Variants in ZC3H7A observed in about 807,000 individuals in gnomAD.
The protein encoded by ZC3H7A is zinc finger CCCH domain-containing protein 7A.
Under a neutral mutation model 125.5 loss-of-function variants are expected in ZC3H7A, and 44 were observed. The observed-to-expected ratio is 0.35, with a 90% confidence interval of 0.28 to 0.45. The LOEUF is 0.45. Among genes scored for constraint, ZC3H7A ranks in the 20% least tolerant of loss-of-function variants. The pLI is 1.00. For missense variants in ZC3H7A, 977 were observed against 1,170.7 expected (o/e 0.83, Z 2.41); for synonymous variants, 399 against 391.2 (o/e 1.02, Z -0.23).
chr16:11,760,142 A>AG (rs1567374796), intron 19 of ZC3H7A, among the ~76,000 whole-genome samples: 1 of 151,000 alleles, frequency 6.6e-6, no homozygotes, highest in African/African-American at 2.4e-5. Flanking sequence ...AAAAAAAAAA[A>AG]AAAGAAAAAA....
chr16:11,758,612 A>C, intron 19 of ZC3H7A, 73 bp from the exon 20 acceptor site: 1 of 1,030,784 alleles, frequency 9.7e-7, no homozygotes, highest in South Asian at 1.3e-5. Context: ...ACATTTAAGC[A>C]AAAGAAGCAT....
Position 11,765,469 on chromosome 16 carries a change from A to G in ZC3H7A, c.1719+20T>C, listed in dbSNP as rs540857270. On this transcript the variant is annotated intron_variant, in intron 14 of 22. Transcript: ENST00000355758. The surrounding 1 kb of genome is among the most constrained non-coding windows in gnomAD (Gnocchi z 4.8). ...TGCAAATTCAACTTTACAGTGGAAA[A>G]TAAGTTTTGGAGAACACACCTCACA... is the stretch of plus-strand genomic sequence containing the variant. 23 of 1,594,492 alleles carry G rather than the reference A, an allele frequency of 1.4e-5. No individual in the cohort carries two copies. Among genetic ancestry groups the G allele is most frequent in the East Asian group, 9.0e-5 (4 of 44,300 alleles).
chr16:11,790,563 G>T (rs1449651932), intron 1 of ZC3H7A, among the ~76,000 whole-genome samples: 1 of 152,126 alleles, frequency 6.6e-6, no homozygotes, highest in Non-Finnish European at 1.5e-5. Flanking sequence ...GTTTGAGACG[G>T]AGTTTCACTC....
In ZC3H7A at chr16:11,763,570, T is replaced by C; in HGVS notation, c.1910A>G (p.His637Arg). ...CCTTAAACAGCCATACCGAACTTCA[T>C]GTCGACATAAATCAAGCTGACACTG... The part of the protein sequence containing the change: ...HGQCQLDLCR[H>R]EVRYGCLRED... The change falls in exon 16 of 23, where the codon CAT becomes CGT. Residue 637 changes from histidine to arginine, a missense_variant. By Grantham distance (29) the His-to-Arg change is conservative. Coordinates refer to ENST00000355758, the MANE Select transcript of ZC3H7A (RefSeq NM_014153.4). The C allele has an allele frequency of 1.2e-6, 2 of 1,612,306 alleles. No individual in the cohort carries two copies. The highest frequency in any genetic ancestry group is 1.7e-6 in the Non-Finnish European group (2 of 1,179,140).
intron 4 of ZC3H7A, among the ~76,000 whole-genome samples, chr16:11,778,418 C>T (rs1482989603): frequency 8.3e-6 from 1 of 120,112 alleles, no homozygotes; most frequent in South Asian, 2.9e-4. Flanking sequence ...GCCTGGGTGA[C>T]AGAGCGAGAC....
chr16:11,769,151 C>T (rs1480775786), intron 10 of ZC3H7A, 56 bp from the exon 11 acceptor site: 5 of 1,478,732 alleles, frequency 3.4e-6, no homozygotes, highest in African/African-American at 1.4e-5. Context: ...GTAATAAGAA[C>T]ATCAGGGCTT....
At chr16:11,791,746 T>C (rs982528002) in intron 1 of ZC3H7A, among the ~76,000 whole-genome samples, 17 of 152,274 alleles carry the variant, frequency 1.1e-4, no homozygotes, top group African/African-American at 3.8e-4. Context: ...CCCCAACCCT[T>C]TGGGGAAACA....
intron 1 of ZC3H7A, among the ~76,000 whole-genome samples, chr16:11,785,301 T>C (rs765112251): frequency 1.3e-5 from 2 of 151,768 alleles, no homozygotes; most frequent in African/African-American, 2.4e-5. Context: ...ATCATGCCAG[T>C]GCACTCCAGC....
intron 18 of ZC3H7A, 28 bp from the exon 19 acceptor site, chr16:11,761,539 C>T: frequency 6.2e-7 from 1 of 1,610,254 alleles, no homozygotes; most frequent in East Asian, 2.2e-5. Flanking sequence ...CAGAAAAAAA[C>T]AAAGACACAC....
chr16:11,785,769 G>A (rs1414271733), intron 1 of ZC3H7A, among the ~76,000 whole-genome samples: 3 of 152,066 alleles, frequency 2.0e-5, no homozygotes, highest in East Asian at 1.9e-4. Context: ...ACAGGCGCCC[G>A]CCACCACGCC....
In ZC3H7A at chr16:11,761,953, G is replaced by C. The variant is rs748745570; in HGVS notation, c.2170C>G (p.Pro724Ala). 14 of 1,613,380 alleles carry C rather than the reference G, an allele frequency of 8.7e-6. No individual in the cohort carries two copies. The South Asian group carries it at 1.5e-4, about 18-fold the overall frequency. ...QCLRNGQVIE[P>A]DKNRKYCSAK... is the part of the protein sequence containing the mutation. ...CTACAATATTTTCTGTTTTTGTCTG[G>C]TTCAATGACTTGACCGTTTCTCAGA... Residue 724 changes from proline (P) to alanine (A), a missense_variant, in exon 18 of 23, where the codon CCA (proline) becomes GCA (alanine). This residue lies in a region of ZC3H7A where 436 missense variants were observed against 603.2 expected (regional missense o/e 0.72). Transcript: ENST00000355758.
At position 11,751,494 on chromosome 16, in the gene ZC3H7A, G is replaced by A. The variant is rs1392071057; in HGVS notation, c.2739C>T (p.Gly913=). ...YFSICDRYMN[G]TCPEGNSCKF... ...TACAGCTGTTTCCTTCTGGGCAGGT[G>A]CCATTCATATACCTGTAAGGAGAAG... is the stretch of plus-strand genomic sequence containing the variant. Residue 913 remains glycine, a synonymous_variant, in exon 23 of 23, where the codon GGC becomes GGT. Coordinates refer to ENST00000355758, the MANE Select transcript of ZC3H7A (RefSeq NM_014153.4). 6.2e-6 allele frequency: 10 copies of A among 1,613,728 alleles called. No homozygotes were observed. The highest frequency in any genetic ancestry group is 7.6e-6 in the Non-Finnish European group (9 of 1,179,950).
At chr16:11,754,848 C>T (rs941919292) in intron 21 of ZC3H7A, among the ~76,000 whole-genome samples, 4 of 132,168 alleles carry the variant, frequency 3.0e-5, no homozygotes, top group African/African-American at 1.2e-4. Context: ...GCCAAGATCA[C>T]ATCATTGCAC....
chr16:11,751,385 C>G lies in ZC3H7A; in HGVS notation c.2848G>C (p.Asp950His). 6.2e-7 allele frequency: 1 copy of G among 1,614,092 alleles called. No homozygotes were observed. The highest frequency in any genetic ancestry group is 8.5e-7 in the Non-Finnish European group (1 of 1,180,014). ...LKMKLNKARK[D>H]HLIGPNDNDF... ...TTATCATTTGGGCCAATTAAGTGAT[C>G]TTTTCGTGCTTTGTTGAGCTTCATC... The change falls in exon 23 of 23, where the codon GAT becomes CAT. Residue 950 changes from aspartate to histidine, a missense_variant. Physicochemically the swap from Asp to His is moderately conservative, Grantham distance 81. Around this residue, in one of 3 missense-constraint regions of ZC3H7A, gnomAD observed 436 missense variants for 603.2 expected, o/e 0.72. Transcript: ENST00000355758.
chr16:11,774,891 C>T (rs1040766040), intron 8 of ZC3H7A, 89 bp downstream of exon 8: 34 of 1,384,068 alleles, frequency 2.5e-5, no homozygotes, highest in African/African-American at 1.6e-4. Context: ...AACCACACAG[C>T]GATATTATTT....
At chr16:11,796,538 G>A (rs2053439872) in intron 1 of ZC3H7A, 1 of 152,678 alleles carries the variant, frequency 6.5e-6, no homozygotes, top group Non-Finnish European at 1.5e-5. Context: ...GCCCAGGCCT[G>A]ACCGGAAGCC....
At chr16:11,762,094 T>G (rs1190289229) in intron 17 of ZC3H7A, 51 bp from the exon 18 acceptor site, 1 of 1,507,706 alleles carries the variant, frequency 6.6e-7, no homozygotes, top group African/African-American at 1.4e-5. Context: ...AAACCAGTTT[T>G]CTGATGACAA....
At chr16:11,786,581 T>A (rs1008607806) in intron 1 of ZC3H7A, among the ~76,000 whole-genome samples, 1 of 152,120 alleles carries the variant, frequency 6.6e-6, no homozygotes, top group African/African-American at 2.4e-5. Context: ...CACAAGTAAG[T>A]GATTGAAAGG....
chr16:11,759,385 G>A (rs1218470596), intron 19 of ZC3H7A: 3 of 152,198 alleles, frequency 2.0e-5, no homozygotes, highest in Non-Finnish European at 4.4e-5. Flanking sequence ...CTTAGCATCT[G>A]TCACGTTTTT....
Sources: allele counts gnomAD v4.1 joint callset (sites outside exome capture counted in the v4.1 genomes callset), GRCh38; gene constraint gnomAD v4.1.1; regional missense constraint gnomAD v4.1.1; non-coding constraint Gnocchi (gnomAD v3.1); transcripts MANE v1.5; gene names NCBI Gene and HGNC (gene_info 2026-07-23, HGNC 2026-07-21).